Variants in FRMD4B observed in about 807,000 individuals in gnomAD.
FRMD4B encodes FERM domain containing 4B, also known as FERM domain-containing protein 4B.
FRMD4B carries 74 observed loss-of-function variants against 141.5 expected under a neutral mutation model. The observed-to-expected ratio is 0.52, with a 90% confidence interval of 0.43 to 0.63. FRMD4B has a LOEUF of 0.63. Ranked by LOEUF, FRMD4B falls within the 30% of genes least tolerant of loss-of-function variation. FRMD4B has a pLI of 0.00. For missense variants in FRMD4B, 1,366 were observed against 1,253.4 expected (o/e 1.09, Z -1.36); for synonymous variants, 506 against 467.9 (o/e 1.08, Z -1.05).
chr3:69,423,519 G>A (rs1342056811), intron 2 of FRMD4B, among the ~76,000 whole-genome samples: 2 of 152,128 alleles, frequency 1.3e-5, no homozygotes, highest in Non-Finnish European at 2.9e-5. Context: ...TGGTGATTTT[G>A]CTGTTTAAAA....
At chr3:69,184,976 G>A (rs1354514901) in intron 19 of FRMD4B, among the ~76,000 whole-genome samples, 1 of 152,174 alleles carries the variant, frequency 6.6e-6, no homozygotes, top group Non-Finnish European at 1.5e-5. Flanking sequence ...GCCGATATGT[G>A]ATAAAGATTT....
intron 1 of FRMD4B, among the ~76,000 whole-genome samples, chr3:69,349,463 G>GA (rs1052511536): frequency 1.3e-5 from 2 of 151,972 alleles, no homozygotes; most frequent in African/African-American, 2.4e-5. Flanking sequence ...CACAGAATTG[G>GA]AAAAAAATAC....
chr3:69,359,640 T>C (rs993347908), intron 1 of FRMD4B, among the ~76,000 whole-genome samples: 1 of 152,160 alleles, frequency 6.6e-6, no homozygotes, highest in Non-Finnish European at 1.5e-5. Flanking sequence ...GCGAATTTTC[T>C]TGTTTTCTTA....
intron 1 of FRMD4B, among the ~76,000 whole-genome samples, chr3:69,351,079 GA>G (rs1225498732): frequency 1.4e-4 from 21 of 150,122 alleles, no homozygotes; most frequent in Admixed American, 3.3e-4. Flanking sequence ...TTCCTTTAAG[GA>G]AAAAAAAAGC....
intron 21 of FRMD4B, among the ~76,000 whole-genome samples, chr3:69,179,296 C>T (rs2092680984): frequency 6.6e-6 from 1 of 152,128 alleles, no homozygotes; most frequent in South Asian, 2.1e-4. Context: ...CTGCTTCCCC[C>T]AGGCACCACC....
At chr3:69,340,394 T>G (rs1702698903) in intron 1 of FRMD4B, among the ~76,000 whole-genome samples, 1 of 152,162 alleles carries the variant, frequency 6.6e-6, no homozygotes, top group African/African-American at 2.4e-5. Context: ...TAGCTCCCAC[T>G]TACAAGTGAG....
chr3:69,346,214 C>T (rs772409759), intron 1 of FRMD4B, among the ~76,000 whole-genome samples: 6 of 151,526 alleles, frequency 4.0e-5, no homozygotes, highest in African/African-American at 1.2e-4. Flanking sequence ...TTCGATCAAG[C>T]GGAAGAAAGG....
intron 7 of FRMD4B, among the ~76,000 whole-genome samples, chr3:69,242,279 G>A (rs923312454): frequency 2.0e-5 from 3 of 152,076 alleles, no homozygotes; most frequent in Non-Finnish European, 2.9e-5. Context: ...TCAGCATAGC[G>A]CCTTGCCCAT....
chr3:69,259,456 G>T (rs1253130578), intron 5 of FRMD4B, among the ~76,000 whole-genome samples: 1 of 152,186 alleles, frequency 6.6e-6, no homozygotes, highest in East Asian at 1.9e-4. Context: ...ATTCAATAAA[G>T]GATGAATGTA....
intron 1 of FRMD4B, among the ~76,000 whole-genome samples, chr3:69,435,181 C>G (rs986511431): frequency 6.6e-6 from 1 of 152,130 alleles, no homozygotes; most frequent in African/African-American, 2.4e-5. Context: ...AAGGGCTGGC[C>G]ATAATTCAGC....
At chr3:69,363,393 T>C (rs116601838) in intron 1 of FRMD4B, among the ~76,000 whole-genome samples, 141 of 131,006 alleles carry the variant, frequency 1.1e-3, no homozygotes, top group African/African-American at 3.9e-3. Flanking sequence ...CCTCCATGCC[T>C]TTTTTTTTTT....
At chr3:69,465,702 C>T (rs1705771530) in intron 1 of FRMD4B, among the ~76,000 whole-genome samples, 1 of 152,094 alleles carries the variant, frequency 6.6e-6, no homozygotes, top group Non-Finnish European at 1.5e-5. Flanking sequence ...CATCCATGTC[C>T]CTTGCAAAGG....
In FRMD4B at chr3:69,168,828, T is replaced by C. The variant is rs988462631; in HGVS notation, c.*3033A>G. The stretch of plus-strand genomic sequence containing the variant: ...TTATTTCTTGTAATATTTAAGCTTT[T>C]GTGAGTACAAGGAAGAATTTTGAAA... On this transcript the variant is annotated 3_prime_UTR_variant, in exon 23 of 23. Transcript: ENST00000398540. Among the ~76,000 whole-genome samples the C allele has an allele frequency of 6.6e-6, 1 of 152,166 alleles. No homozygotes were observed. Among genetic ancestry groups the C allele is most frequent in the Admixed American group, 6.5e-5 (1 of 15,282 alleles).
intron 7 of FRMD4B, chr3:69,228,540 A>G (rs2107774277): frequency 2.3e-6 from 1 of 442,022 alleles, no homozygotes; most frequent in Non-Finnish European, 4.6e-6. Flanking sequence ...TTATCTTCAC[A>G]TAAGTCAGAG....
intron 11 of FRMD4B, among the ~76,000 whole-genome samples, chr3:69,213,369 TAA>T (rs10717974): frequency 4.3e-4 from 54 of 124,522 alleles, no homozygotes; most frequent in Middle Eastern, 4.6e-3. Context: ...TTACTCTGGG[TAA>T]AAAAAAAAAA....
intron 1 of FRMD4B, among the ~76,000 whole-genome samples, chr3:69,532,560 A>C (rs1057459029): frequency 6.6e-5 from 10 of 152,190 alleles, no homozygotes; most frequent in African/African-American, 2.4e-4. Context: ...TCTGCTGCCA[A>C]GGTAGGATCA....
At chr3:69,473,116 G>T (rs145231851) in intron 1 of FRMD4B, among the ~76,000 whole-genome samples, 233 of 152,098 alleles carry the variant, frequency 1.5e-3, no homozygotes, top group African/African-American at 5.4e-3. Context: ...AGGAATGAAG[G>T]TTGGAGGAAA....
chr3:69,183,907 T>C (rs577385370), intron 19 of FRMD4B, among the ~76,000 whole-genome samples: 1 of 151,594 alleles, frequency 6.6e-6, no homozygotes, highest in African/African-American at 2.4e-5. Context: ...GTCTATAATC[T>C]TTTTTTTAGA....
Position 69,187,858 on chromosome 3 carries a change from T to C in FRMD4B, c.1831A>G (p.Ile611Val), listed in dbSNP as rs769154404. The part of the protein sequence containing the change: ...RSSSVPHSPR[I>V]LPPKSLGIER... ...ATACCAAGAGACTTGGGGGGAAGAA[T>C]TCTTGGAGAATGAGGTACTGAACTT... The change falls in exon 19 of 23, where the codon ATT becomes GTT. Residue 611 changes from isoleucine to valine, a missense_variant. Physicochemically the swap from Ile to Val is conservative, Grantham distance 29. Coordinates refer to ENST00000398540, the MANE Select transcript of FRMD4B (RefSeq NM_015123.3). 4 of 1,610,756 alleles carry C rather than the reference T, an allele frequency of 2.5e-6. No homozygotes were observed. The highest frequency in any genetic ancestry group is 8.5e-7 in the Non-Finnish European group (1 of 1,178,022).
Sources: gnomAD v4.1 joint callset for allele counts (sites outside exome capture counted in the v4.1 genomes callset) on GRCh38, gnomAD v4.1.1 for gene constraint, MANE v1.5 for transcripts, NCBI Gene and HGNC (gene_info 2026-07-23, HGNC 2026-07-21) for gene names.